Variants in CABIN1 observed in about 807,000 individuals in gnomAD.
CABIN1 encodes the protein calcineurin-binding protein cabin-1.
A neutral mutation model predicts 227.7 loss-of-function variants in CABIN1; 133 were observed. That is an observed-to-expected ratio of 0.58 (90% CI 0.51 to 0.67). CABIN1 has a LOEUF of 0.67. CABIN1 is among the 30% of genes least tolerant of loss of function. CABIN1 has a pLI of 0.00. For synonymous variants in CABIN1, 1,086 were observed against 1,155.1 expected (o/e 0.94, Z 1.21); for missense variants, 2,408 against 2,852.5 (o/e 0.84, Z 3.55).
chr22:24,170,139 G>A (rs1334469304), intron 33 of CABIN1: 11 of 458,814 alleles, frequency 2.4e-5, no homozygotes, highest in Non-Finnish European at 4.4e-5. Flanking sequence ...ACCCTGGTGC[G>A]GTGGGGGCGC....
At chr22:24,103,978 A>C (rs546392621) in intron 26 of CABIN1, among the ~76,000 whole-genome samples, 1 of 152,278 alleles carries the variant, frequency 6.6e-6, no homozygotes, top group Admixed American at 6.5e-5. Flanking sequence ...GTGAGTCTCT[A>C]GAGAGGCCTG....
Position 24,054,886 on chromosome 22 carries a change from G to T in CABIN1, c.820G>T (p.Gly274Ter). 1 of 1,614,130 alleles carries T rather than the reference G, an allele frequency of 6.2e-7. No homozygotes were observed. The highest frequency in any genetic ancestry group is 1.3e-5 in the African/African-American group (1 of 75,038). ...CTCTCCCTTTAGCTGGAAGTGCCTC[G>T]GAGAGAGCTTGCTGGCCATGTACAA... is the stretch of plus-strand genomic sequence containing the variant. ...PIPFFTWKCL[G>*]ESLLAMYNHL... The change falls in exon 9 of 37, where the codon GGA (glycine) becomes TGA (stop). Residue 274 changes from glycine to a stop codon, truncating the protein, a stop_gained. Coordinates refer to ENST00000263119, the MANE Select transcript of CABIN1 (RefSeq NM_012295.4). LOFTEE classifies it high-confidence loss of function.
In CABIN1 at chr22:24,055,110, C is replaced by G. The variant is rs377423467; in HGVS notation, c.1044C>G (p.Thr348=). The change falls in exon 9 of 37, where the codon ACC becomes ACG. Residue 348 remains threonine (T), a synonymous_variant. Transcript: ENST00000263119. Reference sequence around the variant, plus strand: ...TCTCCTACACCTCTGTGGCTACAACCAGCTTCCCACTGCACAGTCCTGGTC... The same window carrying G: ...TCTCCTACACCTCTGTGGCTACAACGAGCTTCCCACTGCACAGTCCTGGTC... ...PVVSYTSVAT[T]SFPLHSPGLL... is the part of the protein sequence containing the mutation. 4 of 1,613,912 alleles carry G rather than the reference C, an allele frequency of 2.5e-6. No homozygotes were observed. Among genetic ancestry groups the G allele is most frequent in the African/African-American group, 1.3e-5 (1 of 74,960 alleles).
intron 1 of CABIN1, among the ~76,000 whole-genome samples, chr22:24,013,961 G>T (rs1451707013): frequency 6.6e-6 from 1 of 152,306 alleles, no homozygotes; most frequent in East Asian, 1.9e-4. Context: ...ATCACATGGA[G>T]TCCAAGATAT....
chr22:24,090,657 G>T (rs562193556), intron 23 of CABIN1, among the ~76,000 whole-genome samples: 1 of 152,180 alleles, frequency 6.6e-6, no homozygotes, highest in East Asian at 1.9e-4. Flanking sequence ...CCAAGGGCCG[G>T]CTCAACCTGG....
intron 26 of CABIN1, among the ~76,000 whole-genome samples, chr22:24,106,108 T>C (rs2042499151): frequency 6.6e-6 from 1 of 152,224 alleles, no homozygotes; most frequent in South Asian, 2.1e-4. Context: ...TGGTGCATTA[T>C]GGTGCTAGGC....
At position 24,062,016 on chromosome 22, in the gene CABIN1, A is replaced by AGCTCT; in HGVS notation, c.1690_1694dup (p.Val566LeufsTer13). 6.2e-7 allele frequency: 1 copy of AGCTCT among 1,613,662 alleles called. No individual in the cohort carries two copies. Among genetic ancestry groups the AGCTCT allele is most frequent in the Non-Finnish European group, 8.5e-7 (1 of 1,179,692 alleles). ...CCAGTGGCTGCTGACCAAAGGCAGAAGCTCTGCAGGTAGGAGGCATTATGT... is the reference window on the plus strand; with the variant it reads ...CCAGTGGCTGCTGACCAAAGGCAGAAGCTCTGCTCTGCAGGTAGGAGGCATTATGT... On this transcript the variant is annotated frameshift_variant, in exon 13 of 37. Coordinates refer to ENST00000263119, the MANE Select transcript of CABIN1 (RefSeq NM_012295.4). LOFTEE classifies it high-confidence loss of function.
intron 26 of CABIN1, among the ~76,000 whole-genome samples, chr22:24,100,652 C>G (rs752026487): frequency 1.3e-5 from 2 of 152,198 alleles, no homozygotes. Context: ...GTGATGGGTG[C>G]TTCTAGCCCT....
At chr22:24,121,164 C>T (rs967761423) in intron 28 of CABIN1, among the ~76,000 whole-genome samples, 1 of 152,196 alleles carries the variant, frequency 6.6e-6, no homozygotes, top group Non-Finnish European at 1.5e-5. Context: ...CTGCTGGCTC[C>T]CCCCAGCATC....
intron 28 of CABIN1, among the ~76,000 whole-genome samples, chr22:24,128,217 T>C (rs1178844520): frequency 2.7e-5 from 4 of 150,904 alleles, no homozygotes; most frequent in African/African-American, 9.8e-5. Flanking sequence ...TGTATGCAAA[T>C]GTGGTTCTGC....
chr22:24,057,244 T>G (rs1420483157), intron 10 of CABIN1, among the ~76,000 whole-genome samples: 1 of 152,210 alleles, frequency 6.6e-6, no homozygotes, highest in Non-Finnish European at 1.5e-5. Context: ...CCAGTCCTTC[T>G]GCTTTTTGTC....
intron 1 of CABIN1, among the ~76,000 whole-genome samples, chr22:24,025,621 A>G (rs1310698145): frequency 2.6e-5 from 4 of 152,222 alleles, no homozygotes; most frequent in African/African-American, 4.8e-5. Context: ...TCTGCTCATC[A>G]AACGCTCTGC....
At chr22:24,113,467 C>A (rs1172256190) in intron 26 of CABIN1, 99 bp from the exon 27 acceptor site, 5 of 1,147,236 alleles carry the variant, frequency 4.4e-6, no homozygotes, top group Non-Finnish European at 6.6e-6. Context: ...CAAAGCAGTC[C>A]CCAGGCCACC....
rs1359382440 is a variant in CABIN1 at position 24,049,122 on chromosome 22, G to A, written c.558G>A (p.Glu186=). 1.2e-6 allele frequency: 2 copies of A among 1,614,014 alleles called. No homozygotes were observed. Among genetic ancestry groups the A allele is most frequent in the Non-Finnish European group, 1.7e-6 (2 of 1,180,018 alleles). ...TCLYFICKAL[E]KDCRYSKGLV... ...TGTACTTCATCTGCAAAGCTTTGGAGAAGGATTGCCGGTACAGCAAAGGGC... is the reference window on the plus strand; with the variant it reads ...TGTACTTCATCTGCAAAGCTTTGGAAAAGGATTGCCGGTACAGCAAAGGGC... Residue 186 remains glutamate (E), a synonymous_variant, in exon 7 of 37, where the codon GAG becomes GAA. Coordinates refer to ENST00000263119, the MANE Select transcript of CABIN1 (RefSeq NM_012295.4).
At chr22:24,053,587 C>T (rs1334064924) in intron 8 of CABIN1, among the ~76,000 whole-genome samples, 1 of 151,970 alleles carries the variant, frequency 6.6e-6, no homozygotes, top group East Asian at 1.9e-4. Flanking sequence ...CCATGTTGGT[C>T]AGGCAGGTCT....
chr22:24,143,671 C>T (rs906612540), intron 29 of CABIN1, among the ~76,000 whole-genome samples: 1 of 152,126 alleles, frequency 6.6e-6, no homozygotes, highest in Admixed American at 6.5e-5. Context: ...AGTGGCAGGA[C>T]CAGCACTTAT....
intron 29 of CABIN1, among the ~76,000 whole-genome samples, chr22:24,143,791 T>C (rs1022233825): frequency 6.6e-6 from 1 of 152,222 alleles, no homozygotes; most frequent in African/African-American, 2.4e-5. Context: ...CAATAGGCTC[T>C]GCAGGCTGGG....
At chr22:24,055,632 A>G (rs751350937) in intron 9 of CABIN1, among the ~76,000 whole-genome samples, 1 of 152,246 alleles carries the variant, frequency 6.6e-6, no homozygotes, top group Non-Finnish European at 1.5e-5. Context: ...AGAGTTGTCA[A>G]AAATTTTTGA....
intron 29 of CABIN1, among the ~76,000 whole-genome samples, chr22:24,150,900 C>T (rs1198673157): frequency 6.6e-6 from 1 of 152,176 alleles, no homozygotes; most frequent in Non-Finnish European, 1.5e-5. Flanking sequence ...GGCCTTGGTG[C>T]CGTAATGGAG....
Sources: gnomAD v4.1 joint callset for allele counts (sites outside exome capture counted in the v4.1 genomes callset) on GRCh38, gnomAD v4.1.1 for gene constraint, MANE v1.5 for transcripts, NCBI Gene and HGNC (gene_info 2026-07-23, HGNC 2026-07-21) for gene names.